TNS1: variants seen among roughly 807,000 people sequenced by gnomAD.
TNS1 encodes tensin-1.
In TNS1, 62 loss-of-function variants were observed where a neutral mutation model predicts 168.6. The observed-to-expected ratio is 0.37, with a 90% CI of 0.30 to 0.45. TNS1 has a LOEUF of 0.45. Among genes scored for constraint, TNS1 ranks in the 20% least tolerant of loss-of-function variants. The pLI is 1.00. For synonymous variants in TNS1, 934 were observed against 933.2 expected (o/e 1.00, Z -0.02); for missense variants, 2,240 against 2,339.4 (o/e 0.96, Z 0.88).
rs149370602 is a variant in TNS1 at position 217,834,295 on chromosome 2, A to G, written c.3280+796T>C. Reference sequence around the variant, plus strand: ...TCCCTCCTCTCACCAGGGCCAGTGGATAGCTTGAGCCAGGCCCAGCCAACC... The same window carrying G: ...TCCCTCCTCTCACCAGGGCCAGTGGGTAGCTTGAGCCAGGCCCAGCCAACC... On this transcript the variant is annotated intron_variant, in intron 21 of 32. Transcript: ENST00000682258. Among the ~76,000 whole-genome samples the G allele has an allele frequency of 3.4e-3, 525 of 152,326 alleles. 2 individuals carry two copies. The highest frequency in any genetic ancestry group is 0.014 in the Middle Eastern group (4 of 294).
intron 18 of TNS1, among the ~76,000 whole-genome samples, chr2:217,877,595 A>G (rs1950305593): frequency 6.6e-6 from 1 of 152,182 alleles, no homozygotes; most frequent in Non-Finnish European, 1.5e-5. Context: ...GCCTTCAGAG[A>G]ACAGAAATTC....
At chr2:218,016,812 GA>G (rs1442810598) in intron 1 of TNS1, among the ~76,000 whole-genome samples, 1 of 152,208 alleles carries the variant, frequency 6.6e-6, no homozygotes, top group Non-Finnish European at 1.5e-5. Flanking sequence ...GTGGTGAGAA[GA>G]AAACAAGCAA....
chr2:217,998,417 G>A (rs568038060), intron 1 of TNS1, among the ~76,000 whole-genome samples: 1 of 152,326 alleles, frequency 6.6e-6, no homozygotes, highest in African/African-American at 2.4e-5. Context: ...CCATCAGTGG[G>A]GCCAGGCACT....
At chr2:217,910,248 G>A (rs925706445) in intron 4 of TNS1, among the ~76,000 whole-genome samples, 4 of 152,008 alleles carry the variant, frequency 2.6e-5, no homozygotes, top group Non-Finnish European at 4.4e-5. Flanking sequence ...GCTGGAGGCC[G>A]GCCACAGGGT....
intron 3 of TNS1, among the ~76,000 whole-genome samples, chr2:217,957,118 C>T (rs965742325): frequency 2.0e-5 from 3 of 152,212 alleles, no homozygotes; most frequent in Non-Finnish European, 4.4e-5. Context: ...TGTGTTCCCA[C>T]GAGGCCACCC....
intron 23 of TNS1, among the ~76,000 whole-genome samples, chr2:217,819,730 G>A (rs1942511491): frequency 6.6e-6 from 1 of 152,174 alleles, no homozygotes; most frequent in East Asian, 1.9e-4. Context: ...ACTCCTTCTA[G>A]ACCCAAATTT....
intron 4 of TNS1, among the ~76,000 whole-genome samples, chr2:217,916,314 C>G (rs1463970792): frequency 6.6e-6 from 1 of 151,482 alleles, no homozygotes; most frequent in East Asian, 1.9e-4. Flanking sequence ...CCCACCCTGA[C>G]CTGCAGACCT....
intron 16 of TNS1, among the ~76,000 whole-genome samples, chr2:217,884,313 G>A (rs4674222): frequency 0.17 from 26,162 of 152,086 alleles, 3,229 homozygotes; most frequent in African/African-American, 0.34. Flanking sequence ...ATGGACAGAC[G>A]GATGGATGAA....
upstream of TNS1, among the ~76,000 whole-genome samples, chr2:218,007,548 A>C (rs555114713): frequency 3.6e-5 from 2 of 55,984 alleles, no homozygotes; most frequent in South Asian, 9.0e-4. Context: ...CTAAGGGCTG[A>C]CCCTGAGGCT....
chr2:217,924,667 ATCTC>A (rs1955918433), intron 3 of TNS1, among the ~76,000 whole-genome samples: 1 of 152,118 alleles, frequency 6.6e-6, no homozygotes, highest in Non-Finnish European at 1.5e-5. Flanking sequence ...CATACACCTG[ATCTC>A]TCCGAGACCC....
At chr2:217,886,477 G>A (rs1951210924) in intron 13 of TNS1, 57 bp downstream of exon 13, 3 of 1,382,712 alleles carry the variant, frequency 2.2e-6, no homozygotes, top group Non-Finnish European at 3.0e-6. Context: ...TAGAGAAGAT[G>A]GAAGATGAAA....
chr2:217,985,067 A>ATTT (rs752091228), intron 2 of TNS1, among the ~76,000 whole-genome samples: 2 of 135,634 alleles, frequency 1.5e-5, no homozygotes, highest in African/African-American at 5.4e-5. Context: ...CCATTATGAG[A>ATTT]TTTTTTTTTT....
rs1412835014 is a variant in TNS1 at position 217,803,498 on chromosome 2, G to C, written c.*961C>G. On this transcript the variant is annotated 3_prime_UTR_variant, in exon 33 of 33. Coordinates refer to ENST00000682258, the MANE Select transcript of TNS1 (RefSeq NM_001387777.1). The stretch of plus-strand genomic sequence containing the variant: ...TGGGGAAGACACCCCGAGCTCAACA[G>C]CTGCCTGTTCTGACAGATCTCTTCC... 6.6e-6 allele frequency: 1 copy of C among 152,564 alleles called. No homozygotes were observed. The highest frequency in any genetic ancestry group is 1.5e-5 in the Non-Finnish European group (1 of 68,098). 9.5% of individuals were successfully genotyped at this position (152,564 alleles called of 1,614,324 possible).
intron 3 of TNS1, among the ~76,000 whole-genome samples, chr2:217,941,953 G>A (rs1956932937): frequency 6.6e-6 from 1 of 152,154 alleles, no homozygotes; most frequent in Non-Finnish European, 1.5e-5. Context: ...CAAGGCTTCA[G>A]CCACAGCCCA....
At chr2:217,992,233 GAC>G (rs1459006783) in intron 1 of TNS1, among the ~76,000 whole-genome samples, 1 of 152,120 alleles carries the variant, frequency 6.6e-6, no homozygotes, top group Non-Finnish European at 1.5e-5. Context: ...GAGGGGGCAA[GAC>G]ACAGACACCA....
chr2:217,907,404 CA>C (rs1292656998), intron 4 of TNS1, among the ~76,000 whole-genome samples, 153 bp from the exon 5 acceptor site: 1 of 152,228 alleles, frequency 6.6e-6, no homozygotes, highest in East Asian at 1.9e-4. Context: ...TGGCTGGCCC[CA>C]AGCACAGGAG....
At chr2:218,017,532 C>T (rs951853843) in intron 1 of TNS1, among the ~76,000 whole-genome samples, 1 of 152,222 alleles carries the variant, frequency 6.6e-6, no homozygotes, top group Admixed American at 6.5e-5. Flanking sequence ...CAGAAGAAAA[C>T]ATGTGAGTTG....
At chr2:217,821,237 C>T (rs562049912) in intron 23 of TNS1, among the ~76,000 whole-genome samples, 8 of 152,228 alleles carry the variant, frequency 5.3e-5, no homozygotes, top group Middle Eastern at 3.4e-3. Context: ...TGGAATCACA[C>T]GCTTCCACCT....
At chr2:217,858,556 C>T in intron 18 of TNS1, 1 of 986,236 alleles carries the variant, frequency 1.0e-6, no homozygotes. Context: ...GATCCTGGTG[C>T]CCCAAGTTCC....
Sources: allele counts gnomAD v4.1 joint callset (sites outside exome capture counted in the v4.1 genomes callset), GRCh38; gene constraint gnomAD v4.1.1; transcripts MANE v1.5; gene names NCBI Gene and HGNC (gene_info 2026-07-23, HGNC 2026-07-21).